Variants in DSTYK observed in about 807,000 individuals in gnomAD.
The protein encoded by DSTYK is RIP-homologous kinase.
In DSTYK, 34 loss-of-function variants were observed where a neutral mutation model predicts 98.7. That is an observed-to-expected ratio of 0.34 (90% confidence interval 0.26 to 0.46). The LOEUF is 0.46. Among genes scored for constraint, DSTYK ranks in the 20% least tolerant of loss-of-function variants. The pLI is 1.00. For synonymous variants in DSTYK, 462 were observed against 457.3 expected, an observed-to-expected ratio of 1.01 and a Z score of -0.13; for missense variants, 962 against 1,181.7, an observed-to-expected ratio of 0.81 and a Z score of 2.73.
At chr1:205,151,359 GTTTTAC>G (rs1184588390) in intron 10 of DSTYK, among the ~76,000 whole-genome samples, 3 of 152,136 alleles carry the variant, frequency 2.0e-5, no homozygotes, top group Non-Finnish European at 4.4e-5. Context: ...ACTTACTGTA[GTTTTAC>G]TTTATAAACT....
At chr1:205,160,770 GGTTTTTT>G (rs1162762243) in intron 7 of DSTYK, among the ~76,000 whole-genome samples, 16 of 149,610 alleles carry the variant, frequency 1.1e-4, no homozygotes, top group South Asian at 4.4e-4. Flanking sequence ...GTGGTTATGT[GGTTTTTT>G]GTTTTTTGTT....
rs1308581808 is a variant in DSTYK, at chr1:205,163,789, T to C, written c.1491A>G (p.Arg497=). The change falls in exon 4 of 13, where the codon CGA becomes CGG. Residue 497 remains arginine (R), a synonymous_variant. Coordinates refer to ENST00000367162, the MANE Select transcript of DSTYK (RefSeq NM_015375.3). ...LRESFVGTLE[R]CLQSLEKSQD... is the part of the protein sequence containing the mutation. ...GAGACTTCTCCAGGCTCTGCAGACATCGTTCCAGGGTTCCGACGAAGCTTT... is the reference window on the plus strand; with the variant it reads ...GAGACTTCTCCAGGCTCTGCAGACACCGTTCCAGGGTTCCGACGAAGCTTT... 6.2e-7 allele frequency: 1 copy of C among 1,614,164 alleles called. No homozygotes were observed. The highest frequency in any genetic ancestry group is 1.3e-5 in the African/African-American group (1 of 75,036).
At chr1:205,148,095 G>C in intron 12 of DSTYK, 110 bp downstream of exon 12, 12 of 1,314,742 alleles carry the variant, frequency 9.1e-6, no homozygotes, top group Non-Finnish European at 1.3e-5. Flanking sequence ...CGTATCTACG[G>C]CCCTGCTATG....
At chr1:205,148,909 T>G (rs549715243) in intron 11 of DSTYK, among the ~76,000 whole-genome samples, 3 of 151,938 alleles carry the variant, frequency 2.0e-5, no homozygotes, top group Non-Finnish European at 4.4e-5. Context: ...AAGTGTTTTT[T>G]TTTTTTTTTT....
intron 2 of DSTYK, among the ~76,000 whole-genome samples, chr1:205,178,378 C>T (rs932042556): frequency 2.6e-5 from 4 of 151,940 alleles, no homozygotes; most frequent in Admixed American, 2.0e-4. Context: ...CAGGTATCTA[C>T]TGATGCAGAT....
At chr1:205,191,481 T>C (rs1658711641) in intron 1 of DSTYK, among the ~76,000 whole-genome samples, 1 of 152,198 alleles carries the variant, frequency 6.6e-6, no homozygotes, top group South Asian at 2.1e-4. Flanking sequence ...AGCCTTGAAA[T>C]GCTCGTCGGT....
chr1:205,180,842 C>T (rs1341755046), intron 2 of DSTYK, among the ~76,000 whole-genome samples: 1 of 152,196 alleles, frequency 6.6e-6, no homozygotes, highest in African/African-American at 2.4e-5. Context: ...CTGAATCACA[C>T]ATATCCTTCA....
intron 1 of DSTYK, among the ~76,000 whole-genome samples, chr1:205,203,553 G>A (rs1258484944): frequency 1.8e-5 from 1 of 54,338 alleles, no homozygotes; most frequent in African/African-American, 1.2e-4. Flanking sequence ...GGGAAGGGGA[G>A]GGGAGGGGAG....
intron 11 of DSTYK, among the ~76,000 whole-genome samples, chr1:205,149,437 C>T (rs540380996): frequency 4.6e-5 from 7 of 152,290 alleles, no homozygotes; most frequent in Non-Finnish European, 1.0e-4. Flanking sequence ...TCTTCGCTGG[C>T]AATGGAACAA....
intron 3 of DSTYK, among the ~76,000 whole-genome samples, chr1:205,165,919 G>T (rs557118388): frequency 6.6e-6 from 1 of 152,228 alleles, no homozygotes; most frequent in African/African-American, 2.4e-5. Flanking sequence ...CTACTAGGGA[G>T]GCTGAGGTGG....
Position 205,211,143 on chromosome 1 carries a change from G to C in DSTYK, c.265+128C>G, listed in dbSNP as rs1659360746. Reference sequence around the variant, plus strand: ...CCGGCCGGCCCATGCCCGGGGACCCGGCCACACGACACGACTGCCCCTTTC... The same window carrying C: ...CCGGCCGGCCCATGCCCGGGGACCCCGCCACACGACACGACTGCCCCTTTC... On this transcript the variant is annotated intron_variant, in intron 1 of 12. Transcript: ENST00000367162. 2.9e-6 allele frequency: 4 copies of C among 1,357,210 alleles called. No homozygotes were observed. In the East Asian group the frequency reaches 8.3e-5, roughly 28 times the overall value. The allele number at this position is 1,357,210 out of a possible 1,614,324, so 84.1% of individuals were successfully genotyped here.
At chr1:205,190,249 G>A (rs758376175) in intron 1 of DSTYK, among the ~76,000 whole-genome samples, 1 of 152,108 alleles carries the variant, frequency 6.6e-6, no homozygotes, top group Admixed American at 6.6e-5. Flanking sequence ...AACCCACTGA[G>A]TACTTTGAAA....
intron 1 of DSTYK, among the ~76,000 whole-genome samples, chr1:205,199,847 T>C (rs1658974940): frequency 6.6e-6 from 1 of 152,154 alleles, no homozygotes; most frequent in South Asian, 2.1e-4. Context: ...CATCCACCCA[T>C]AGCTCGTAGT....
intron 1 of DSTYK, among the ~76,000 whole-genome samples, chr1:205,204,651 T>C (rs1659148966): frequency 6.6e-6 from 1 of 152,210 alleles, no homozygotes; most frequent in African/African-American, 2.4e-5. Flanking sequence ...GCTTTTAGAA[T>C]GTTCACAAAG....
Position 205,144,852 on chromosome 1 carries a change from G to A in DSTYK, c.*2706C>T, listed in dbSNP as rs189763775. The A allele has an allele frequency of 5.6e-4, 85 of 152,172 alleles. No individual in the cohort carries two copies. Among genetic ancestry groups the A allele is most frequent in the African/African-American group, 2.0e-3 (85 of 41,522 alleles). The allele number at this position is 152,172 out of a possible 1,614,324, so 9.4% of individuals were successfully genotyped here. ...ATCTGACAGCAAACTAAGCCGTGGG[G>A]TAAACTAAAAAGGGACTCTGGGTAG... On this transcript the variant is annotated 3_prime_UTR_variant, in exon 13 of 13. Transcript: ENST00000367162.
intron 8 of DSTYK, 92 bp downstream of exon 8, chr1:205,160,022 G>T (rs1344142759): frequency 7.0e-7 from 1 of 1,428,030 alleles, no homozygotes; most frequent in South Asian, 1.2e-5. Context: ...ATATAGAGAG[G>T]CCATGCTGTA....
Position 205,194,989 on chromosome 1 carries a change from A to ATT in DSTYK, c.266-7185_266-7184dup, listed in dbSNP as rs964750887. Among the ~76,000 whole-genome samples, 118 of 138,508 alleles carry ATT rather than the reference A, an allele frequency of 8.5e-4. 1 individual carries two copies. Among genetic ancestry groups the ATT allele is most frequent in the South Asian group, 3.4e-3 (15 of 4,372 alleles). The allele number at this position is 138,508 out of a possible 152,430, so 90.9% of individuals were successfully genotyped here. A position where few individuals can be genotyped will look rare whatever the true frequency, so the allele number is the denominator to read the frequency against. On this transcript the variant is annotated intron_variant, in intron 1 of 12. Transcript: ENST00000367162. The stretch of plus-strand genomic sequence containing the variant: ...CAGGGACTACAGGCAAGTGCCACTA[A>ATT]TTTTTTTTTTTTTTTTTTGTATAGA...
chr1:205,211,576 G>A lies in DSTYK; in HGVS notation c.-41C>T. The A allele has an allele frequency of 7.1e-7, 1 of 1,412,880 alleles. No homozygotes were observed. The highest frequency in any genetic ancestry group is 9.2e-7 in the Non-Finnish European group (1 of 1,091,366). 87.5% of individuals were successfully genotyped at this position (1,412,880 alleles called of 1,614,324 possible). ...TGTCTTTGCGGCTCGGTCCCCGGCC[G>A]CAGGCCCGGCCTCCCTCCTCCCCGC... On this transcript the variant is annotated 5_prime_UTR_variant, in exon 1 of 13. Transcript: ENST00000367162.
intron 2 of DSTYK, among the ~76,000 whole-genome samples, chr1:205,172,360 T>C (rs1658090814): frequency 6.6e-6 from 1 of 150,712 alleles, no homozygotes; most frequent in Non-Finnish European, 1.5e-5. Context: ...AGTGCAGTGG[T>C]GCAATTAAGG....
Sources: allele counts gnomAD v4.1 joint callset (sites outside exome capture counted in the v4.1 genomes callset), GRCh38; gene constraint gnomAD v4.1.1; transcripts MANE v1.5; gene names NCBI Gene and HGNC (gene_info 2026-07-23, HGNC 2026-07-21).